The following BCL7C variants were observed in gnomAD, a reference collection of about 807,000 sequenced individuals.
The protein encoded by BCL7C is B-cell CLL/lymphoma 7 protein family member C.
Under a neutral mutation model 26.2 loss-of-function variants are expected in BCL7C, and 8 were observed. That is an observed-to-expected ratio of 0.30 (90% CI 0.18 to 0.55). The LOEUF is 0.55. Among genes scored for constraint, BCL7C ranks in the 20% least tolerant of loss-of-function variants. BCL7C has a pLI of 0.93. For missense variants in BCL7C, 262 were observed against 298.5 expected (o/e 0.88, Z 0.90); for synonymous variants, 90 against 116.5 (o/e 0.77, Z 1.47).
Position 30,893,071 on chromosome 16 carries a change from A to AG in BCL7C, c.172-124dup, listed in dbSNP as rs1015536052. The AG allele has an allele frequency of 1.1e-5, 14 of 1,223,832 alleles. No individual in the cohort carries two copies. In the Admixed American group the frequency reaches 3.1e-4, roughly 27 times the overall value. The allele number at this position is 1,223,832 out of a possible 1,614,324, so 75.8% of individuals were successfully genotyped here. On this transcript the variant is annotated intron_variant, in intron 2 of 5. Coordinates refer to ENST00000215115, the MANE Select transcript of BCL7C (RefSeq NM_004765.4). This position sits in a 1 kb window ranked among gnomAD's most constrained non-coding sequence, Gnocchi z 5.2. ...GGTGTGGAGCAGAAAAGAGGGCAAA[A>AG]GGGGAGGAGCTGCTAATGATGGTTC...
chr16:30,858,381 G>A (rs2054742183), intron 5 of BCL7C, among the ~76,000 whole-genome samples: 1 of 152,176 alleles, frequency 6.6e-6, no homozygotes, highest in South Asian at 2.1e-4. Context: ...ACTCACCAGG[G>A]TGTCTGTGCC....
At chr16:30,861,773 T>C (rs574259903) in intron 5 of BCL7C, among the ~76,000 whole-genome samples, 1 of 152,176 alleles carries the variant, frequency 6.6e-6, no homozygotes, top group Admixed American at 6.5e-5. Flanking sequence ...CAAGGGACTG[T>C]TTCCGTAACT....
intron 5 of BCL7C, among the ~76,000 whole-genome samples, chr16:30,856,803 G>A (rs2054726417): frequency 6.6e-6 from 1 of 152,212 alleles, no homozygotes; most frequent in Non-Finnish European, 1.5e-5. Context: ...TCAGCTAGAG[G>A]TGAGAGCGTA....
At position 30,854,759 on chromosome 16, in the gene BCL7C, T is replaced by G. The variant is rs1051627120; in HGVS notation, c.529-19611A>C. On this transcript the variant is annotated intron_variant, in intron 5 of 5. Coordinates refer to the BCL7C transcript ENST00000380317. ...TCTCGCTCTGTCACCCAGGCTGGAG[T>G]GCAGTGGCATGATCTCAGCTTACTG... Among the ~76,000 whole-genome samples the G allele has an allele frequency of 2.0e-5, 3 of 148,460 alleles. No individual in the cohort carries two copies. In the Admixed American group the frequency reaches 2.1e-4, roughly 10 times the overall value.
At chr16:30,885,040 T>C (rs1394028011), downstream of BCL7C, among the ~76,000 whole-genome samples, 1 of 152,162 alleles carries the variant, frequency 6.6e-6, no homozygotes, top group African/African-American at 2.4e-5. Context: ...GACATTACCA[T>C]GAAGATGGCC....
In BCL7C at chr16:30,892,955, G is replaced by A; in HGVS notation, c.172-7C>T. ...CACCTGCCCGCCTTCGCTCCTGGGG[G>A]TTAGAGGATTAGGGTCAGAGCTCTT... On this transcript the variant is annotated splice_polypyrimidine_tract_variant and splice_region_variant and intron_variant, in intron 2 of 5. Coordinates refer to ENST00000215115, the MANE Select transcript of BCL7C (RefSeq NM_004765.4). The A allele has an allele frequency of 6.2e-7, 1 of 1,610,850 alleles. No homozygotes were observed. The highest frequency in any genetic ancestry group is 8.5e-7 in the Non-Finnish European group (1 of 1,178,598).
chr16:30,887,125 A>G (rs2055144757), downstream of BCL7C, among the ~76,000 whole-genome samples: 1 of 152,164 alleles, frequency 6.6e-6, no homozygotes, highest in Non-Finnish European at 1.5e-5. Flanking sequence ...CCTGGCCAAC[A>G]TGGCAAAACC....
chr16:30,841,977 A>AT (rs2054605280), intron 5 of BCL7C, among the ~76,000 whole-genome samples: 2 of 133,022 alleles, frequency 1.5e-5, no homozygotes, highest in African/African-American at 2.8e-5. Context: ...AAAAAAAAAA[A>AT]GCTCAGGGCC....
chr16:30,882,176 C>T (rs1029176046), intron 5 of BCL7C, among the ~76,000 whole-genome samples: 2 of 151,890 alleles, frequency 1.3e-5, no homozygotes, highest in East Asian at 1.9e-4. Context: ...TTGGCCAGGC[C>T]GGTTTTGAAC....
At chr16:30,840,324 T>A (rs1349390679) in intron 5 of BCL7C, among the ~76,000 whole-genome samples, 1 of 150,888 alleles carries the variant, frequency 6.6e-6, no homozygotes, top group African/African-American at 2.4e-5. Flanking sequence ...TTCAAGCAAT[T>A]CTCCTGTCTC....
At chr16:30,840,908 G>A (rs911420335) in intron 5 of BCL7C, among the ~76,000 whole-genome samples, 3 of 152,152 alleles carry the variant, frequency 2.0e-5, no homozygotes, top group Non-Finnish European at 2.9e-5. Context: ...ACCTCTCACT[G>A]GGTTCCTCCC....
Position 30,834,671 on chromosome 16 carries a change from C to A in BCL7C, c.*277G>T. ...TGCGTGAGGAGGTGGGCGAGGCAGC[C>A]CAGTGCACCCCTCCCCTAGGCCTCT... On this transcript the variant is annotated 3_prime_UTR_variant, in exon 6 of 6. Coordinates refer to the BCL7C transcript ENST00000380317. The surrounding 1 kb of genome is among the most constrained non-coding windows in gnomAD (Gnocchi z 4.3). The A allele has an allele frequency of 3.2e-6, 1 of 308,338 alleles. No individual in the cohort carries two copies. The allele number at this position is 308,338 out of a possible 1,614,324, so 19.1% of individuals were successfully genotyped here.
At chr16:30,866,280 G>C (rs940748306) in intron 5 of BCL7C, among the ~76,000 whole-genome samples, 1 of 152,086 alleles carries the variant, frequency 6.6e-6, no homozygotes, top group African/African-American at 2.4e-5. Context: ...AACACTAGCA[G>C]GTTAGCAAAG....
chr16:30,845,513 T>C (rs1161883429), intron 5 of BCL7C, among the ~76,000 whole-genome samples: 1 of 152,194 alleles, frequency 6.6e-6, no homozygotes, highest in Admixed American at 6.5e-5. Context: ...CTTGGTGGAA[T>C]AGCAGCTTCA....
intron 5 of BCL7C, among the ~76,000 whole-genome samples, chr16:30,872,396 C>T (rs1052838689): frequency 6.6e-6 from 1 of 152,112 alleles, no homozygotes; most frequent in Non-Finnish European, 1.5e-5. Flanking sequence ...TAAGGGACCC[C>T]TGTGGGCTTG....
At chr16:30,851,882 G>C (rs1015098786) in intron 5 of BCL7C, 2 of 228,232 alleles carry the variant, frequency 8.8e-6, no homozygotes, top group African/African-American at 4.6e-5. Flanking sequence ...ATCAAGAAAT[G>C]GTTCGTTGTT....
At chr16:30,890,620 C>T (rs900504059) in intron 4 of BCL7C, among the ~76,000 whole-genome samples, 5 of 152,094 alleles carry the variant, frequency 3.3e-5, no homozygotes, top group African/African-American at 9.7e-5. Context: ...GAGGCCGAGG[C>T]GGGCGGATCA....
Position 30,892,610 on chromosome 16 carries a change from G to A in BCL7C, c.418C>T (p.Pro140Ser). Residue 140 changes from proline (P) to serine (S), a missense_variant, in exon 4 of 6, where the codon CCC becomes TCC. Physicochemically the swap from Pro to Ser is moderately conservative, Grantham distance 74 (BLOSUM62 -1). Transcript: ENST00000215115. ...CCTCTCTCTTGGCCCAGCCGTGGGG[G>A]CTGAGCCTCCTCAGGGACCCCTTCT... ...PPEGVPEEAQ[P>S]PRLGQERDPG... 1 of 1,593,040 alleles carries A rather than the reference G, an allele frequency of 6.3e-7. No homozygotes were observed. The highest frequency in any genetic ancestry group is 8.5e-7 in the Non-Finnish European group (1 of 1,171,820).
intron 5 of BCL7C, among the ~76,000 whole-genome samples, chr16:30,862,553 A>G (rs931510507): frequency 1.3e-5 from 2 of 151,410 alleles, no homozygotes; most frequent in Non-Finnish European, 2.9e-5. Context: ...TCCTCCCAAC[A>G]GGACACGCTC....
Sources: allele counts gnomAD v4.1 joint callset (sites outside exome capture counted in the v4.1 genomes callset), GRCh38; gene constraint gnomAD v4.1.1; non-coding constraint Gnocchi (gnomAD v3.1); transcripts MANE v1.5; gene names NCBI Gene and HGNC (gene_info 2026-07-23, HGNC 2026-07-21).